Variants in RIMKLA observed in about 807,000 individuals in gnomAD.
RIMKLA encodes the protein ribosomal modification protein rimK like family member A, also known as N-acetylaspartylglutamate synthase A.
Under a neutral mutation model 32.7 loss-of-function variants are expected in RIMKLA, and 14 were observed. The ratio of observed to expected loss-of-function variants is 0.43; its 90% CI spans 0.28 to 0.67. RIMKLA has a LOEUF of 0.67. Ranked by LOEUF, RIMKLA falls within the 30% of genes least tolerant of loss-of-function variation. The probability of loss-of-function intolerance (pLI) is 0.18; values close to 1 mark genes in which losing one functional copy is unlikely to be tolerated. For synonymous variants in RIMKLA, 176 were observed against 204.1 expected, an observed-to-expected ratio of 0.86 and a Z score of 1.18; for missense variants, 410 against 519.0, an observed-to-expected ratio of 0.79 and a Z score of 2.04.
intron 4 of RIMKLA, 145 bp from the exon 5 acceptor site, chr1:42,414,339 A>G (rs1643227053): frequency 1.2e-6 from 1 of 826,174 alleles, no homozygotes; most frequent in African/African-American, 1.7e-5. Context: ...TTGTTTTCCC[A>G]AGGTGTACTG....
At position 42,416,979 on chromosome 1, in the gene RIMKLA, G is replaced by A. The variant is rs1643254540; in HGVS notation, c.*2005G>A. 1 of 152,174 alleles carries A rather than the reference G, an allele frequency of 6.6e-6. No homozygotes were observed. The highest frequency in any genetic ancestry group is 1.5e-5 in the Non-Finnish European group (1 of 68,036). The allele number at this position is 152,174 out of a possible 1,614,324, so 9.4% of individuals were successfully genotyped here. ...AAAAATAATACTTCACCTTTATATAGGTTAAGATATGTACCTTATCTTTAC... is the reference window on the plus strand; with the variant it reads ...AAAAATAATACTTCACCTTTATATAAGTTAAGATATGTACCTTATCTTTAC... On this transcript the variant is annotated 3_prime_UTR_variant, in exon 5 of 5. Transcript: ENST00000431473.
chr1:42,394,374 T>C (rs1242603613), intron 1 of RIMKLA, among the ~76,000 whole-genome samples: 38 of 152,200 alleles, frequency 2.5e-4, no homozygotes, highest in Non-Finnish European at 1.8e-4. Flanking sequence ...CATGCACAGG[T>C]TGGAGGGTGA....
At chr1:42,397,351 T>C (rs1247742794) in intron 1 of RIMKLA, among the ~76,000 whole-genome samples, 1 of 152,336 alleles carries the variant, frequency 6.6e-6, no homozygotes, top group Non-Finnish European at 1.5e-5. Flanking sequence ...ATTATGTGGT[T>C]ATGCAGTATA....
chr1:42,405,348 C>T (rs1643134454), intron 3 of RIMKLA, among the ~76,000 whole-genome samples: 2 of 152,160 alleles, frequency 1.3e-5, no homozygotes, highest in Admixed American at 6.5e-5. Flanking sequence ...TACTAGACTG[C>T]GAGCTGCTCA....
intron 1 of RIMKLA, among the ~76,000 whole-genome samples, chr1:42,396,092 C>T (rs909093399): frequency 6.6e-6 from 1 of 151,766 alleles, no homozygotes; most frequent in Admixed American, 6.6e-5. Context: ...AAAAATTAGC[C>T]GGGCATGGTG....
At chr1:42,412,444 ACTT>A (rs1413945012) in intron 4 of RIMKLA, 6 of 303,590 alleles carry the variant, frequency 2.0e-5, no homozygotes, top group African/African-American at 1.3e-4. Flanking sequence ...TTTTCATCTT[ACTT>A]CTTCACAGGC....
intron 1 of RIMKLA, among the ~76,000 whole-genome samples, chr1:42,390,036 CTTTTTT>C (rs35754511): frequency 9.0e-6 from 1 of 111,686 alleles, no homozygotes. Flanking sequence ...TTTTCTTTTC[CTTTTTT>C]TTTTTTTTTT....
At chr1:42,395,036 G>T (rs542493544) in intron 1 of RIMKLA, among the ~76,000 whole-genome samples, 1 of 152,146 alleles carries the variant, frequency 6.6e-6, no homozygotes, top group Non-Finnish European at 1.5e-5. Context: ...ACTGTGCCCC[G>T]CCTAGTTATG....
At chr1:42,387,872 A>G (rs1642963838) in intron 1 of RIMKLA, among the ~76,000 whole-genome samples, 1 of 125,316 alleles carries the variant, frequency 8.0e-6, no homozygotes, top group Non-Finnish European at 1.8e-5. Flanking sequence ...GAGCTAAGCA[A>G]GAAAAAAAGA....
Position 42,410,291 on chromosome 1 carries a change from C to T in RIMKLA, c.685+104C>T, listed in dbSNP as rs944059333. 1.2e-5 allele frequency: 11 copies of T among 914,314 alleles called. No individual in the cohort carries two copies. The African/African-American group carries it at 1.5e-4, about 12-fold the overall frequency. The allele number at this position is 914,314 out of a possible 1,614,324, so 56.6% of individuals were successfully genotyped here. A position where few individuals can be genotyped will look rare whatever the true frequency, so the allele number is the denominator to read the frequency against. ...CAGACCCTCTGCTAGACACCAGGAT[C>T]TCACAGATGAGAATGAGGAACAAAC... On this transcript the variant is annotated intron_variant, in intron 4 of 4. Transcript: ENST00000431473.
At chr1:42,383,420 G>C (rs148224619) in intron 1 of RIMKLA, among the ~76,000 whole-genome samples, 53 of 152,336 alleles carry the variant, frequency 3.5e-4, no homozygotes, top group Admixed American at 1.2e-3. Context: ...TGTTGGCTTT[G>C]TTCAGTGCTA....
At chr1:42,389,554 G>A (rs1642978638) in intron 1 of RIMKLA, among the ~76,000 whole-genome samples, 1 of 152,228 alleles carries the variant, frequency 6.6e-6, no homozygotes, top group African/African-American at 2.4e-5. Context: ...ACTCTTGCCT[G>A]TAATTCCAGC....
At position 42,399,398 on chromosome 1, in the gene RIMKLA, T is replaced by C; in HGVS notation, c.164-6T>C. The C allele has an allele frequency of 6.3e-7, 1 of 1,596,866 alleles. No homozygotes were observed. Among genetic ancestry groups the C allele is most frequent in the Non-Finnish European group, 8.5e-7 (1 of 1,169,674 alleles). ...CACAGCACTCACTGTTGTCCTTGAA[T>C]TGCAGGCCTCCAGCTAAACCAGAAG... On this transcript the variant is annotated splice_polypyrimidine_tract_variant and splice_region_variant and intron_variant, in intron 1 of 4. Transcript: ENST00000431473.
At chr1:42,410,572 AAG>A (rs1220753419) in intron 4 of RIMKLA, among the ~76,000 whole-genome samples, 1 of 152,210 alleles carries the variant, frequency 6.6e-6, no homozygotes, top group Non-Finnish European at 1.5e-5. Flanking sequence ...AAAAAATAAT[AAG>A]AGTCTAAAGT....
intron 1 of RIMKLA, among the ~76,000 whole-genome samples, chr1:42,397,560 A>C (rs1225364098): frequency 1.3e-5 from 2 of 152,102 alleles, no homozygotes; most frequent in African/African-American, 2.4e-5. Context: ...ACATCTCCCC[A>C]AAATTTTTTT....
intron 1 of RIMKLA, among the ~76,000 whole-genome samples, chr1:42,387,736 A>G (rs988904562): frequency 4.6e-5 from 7 of 152,288 alleles, no homozygotes; most frequent in African/African-American, 1.7e-4. Context: ...TAGTGTGTAT[A>G]AAGTACTGTT....
intron 2 of RIMKLA, 104 bp downstream of exon 2, chr1:42,399,738 C>G (rs922083056): frequency 1.4e-6 from 1 of 720,330 alleles, no homozygotes; most frequent in Non-Finnish European, 2.3e-6. Context: ...TCTGTTGATT[C>G]AACATCTTGG....
intron 1 of RIMKLA, among the ~76,000 whole-genome samples, chr1:42,390,389 G>A (rs541275201): frequency 2.0e-5 from 3 of 152,294 alleles, no homozygotes; most frequent in South Asian, 2.1e-4. Context: ...GTATGCTGTT[G>A]TGAATGATCT....
At chr1:42,396,895 T>G (rs1643052905) in intron 1 of RIMKLA, among the ~76,000 whole-genome samples, 1 of 152,202 alleles carries the variant, frequency 6.6e-6, no homozygotes, top group Admixed American at 6.5e-5. Flanking sequence ...TTAAGCAACT[T>G]GAATATTTTT....
Sources: allele counts gnomAD v4.1 joint callset (sites outside exome capture counted in the v4.1 genomes callset), GRCh38; gene constraint gnomAD v4.1.1; transcripts MANE v1.5; gene names NCBI Gene and HGNC (gene_info 2026-07-23, HGNC 2026-07-21).